JAZF1: variants seen among roughly 807,000 people sequenced by gnomAD.
JAZF1 encodes juxtaposed with another zinc finger protein 1.
Under a neutral mutation model 26.4 loss-of-function variants are expected in JAZF1, and 8 were observed. The ratio of observed to expected loss-of-function variants is 0.30; its 90% CI spans 0.18 to 0.55. The LOEUF is 0.55. Ranked by LOEUF, JAZF1 falls within the 20% of genes least tolerant of loss-of-function variation. JAZF1 has a pLI of 0.94. For missense variants in JAZF1, 199 were observed against 322.0 expected (o/e 0.62, Z 2.92); for synonymous variants, 126 against 122.3 (o/e 1.03, Z -0.20).
At chr7:28,173,878 T>C (rs1011094118) in intron 1 of JAZF1, among the ~76,000 whole-genome samples, 23 of 117,578 alleles carry the variant, frequency 2.0e-4, no homozygotes, top group African/African-American at 8.3e-4. Flanking sequence ...TGCAGCTAGC[T>C]TTAAAAAAAA....
At chr7:28,058,495 T>G (rs976574401) in intron 1 of JAZF1, among the ~76,000 whole-genome samples, 1 of 152,156 alleles carries the variant, frequency 6.6e-6, no homozygotes, top group Non-Finnish European at 1.5e-5. Flanking sequence ...CAAGTTCATC[T>G]TTTGGCCTTC....
chr7:28,007,517 C>A (rs946928130), intron 1 of JAZF1, among the ~76,000 whole-genome samples: 1 of 151,562 alleles, frequency 6.6e-6, no homozygotes, highest in Non-Finnish European at 1.5e-5. Context: ...TGCAGTGAGC[C>A]GAGATCATGC....
At chr7:27,926,928 C>T (rs563074994) in intron 2 of JAZF1, among the ~76,000 whole-genome samples, 2 of 152,270 alleles carry the variant, frequency 1.3e-5, no homozygotes, top group African/African-American at 4.8e-5. Flanking sequence ...CAGCCTGGCC[C>T]TCTTCTTTAG....
At chr7:27,835,937 A>T (rs1782802098) in intron 4 of JAZF1, among the ~76,000 whole-genome samples, 1 of 152,246 alleles carries the variant, frequency 6.6e-6, no homozygotes, top group African/African-American at 2.4e-5. Context: ...GCTAACATTT[A>T]TTAAGAGCTT....
chr7:27,887,239 TA>T (rs144309616), intron 3 of JAZF1, among the ~76,000 whole-genome samples: 8,745 of 152,236 alleles, frequency 0.057, 364 homozygotes, highest in Middle Eastern at 0.085. Flanking sequence ...CAAGTTTACC[TA>T]TATAAGAAAC....
At chr7:28,144,441 G>A (rs1477785227) in intron 1 of JAZF1, among the ~76,000 whole-genome samples, 1 of 152,134 alleles carries the variant, frequency 6.6e-6, no homozygotes, top group Non-Finnish European at 1.5e-5. Flanking sequence ...AATTTCCAAG[G>A]TCCTGAGAGG....
At chr7:27,834,310 G>T (rs1288062118) in intron 4 of JAZF1, among the ~76,000 whole-genome samples, 2 of 152,160 alleles carry the variant, frequency 1.3e-5, no homozygotes, top group Non-Finnish European at 2.9e-5. Context: ...TAAACGTGGT[G>T]GTGATTACTA....
intron 2 of JAZF1, among the ~76,000 whole-genome samples, chr7:27,987,514 C>T (rs946248861): frequency 5.9e-5 from 9 of 152,154 alleles, no homozygotes; most frequent in South Asian, 2.1e-4. Flanking sequence ...CCACCCAGTA[C>T]GGGAGGTCGG....
intron 1 of JAZF1, among the ~76,000 whole-genome samples, chr7:28,008,803 T>C (rs892457365): frequency 2.0e-5 from 3 of 152,226 alleles, no homozygotes; most frequent in Admixed American, 6.5e-5. Context: ...GACTTTTCAG[T>C]AGAGATAGAA....
At chr7:28,136,598 T>C (rs953061433) in intron 1 of JAZF1, among the ~76,000 whole-genome samples, 1 of 152,242 alleles carries the variant, frequency 6.6e-6, no homozygotes, top group African/African-American at 2.4e-5. Context: ...CTCAAATCCA[T>C]CTATTTTTTA....
At chr7:28,115,239 G>C (rs1052736240) in intron 1 of JAZF1, among the ~76,000 whole-genome samples, 1 of 152,144 alleles carries the variant, frequency 6.6e-6, no homozygotes, top group African/African-American at 2.4e-5. Context: ...CCACATTTAA[G>C]GTAAGAAAAG....
chr7:27,850,851 G>T (rs1042378925), intron 3 of JAZF1, among the ~76,000 whole-genome samples: 1 of 148,222 alleles, frequency 6.7e-6, no homozygotes. Flanking sequence ...ATTTGTACTT[G>T]GTTTAATGAT....
intron 3 of JAZF1, among the ~76,000 whole-genome samples, chr7:27,870,054 G>A (rs1022538344): frequency 2.7e-5 from 4 of 150,444 alleles, no homozygotes; most frequent in African/African-American, 4.9e-5. Flanking sequence ...TATTACAGGC[G>A]CACACTGCCA....
chr7:27,845,902 C>G (rs1028620802), intron 3 of JAZF1, among the ~76,000 whole-genome samples: 1 of 151,964 alleles, frequency 6.6e-6, no homozygotes, highest in Non-Finnish European at 1.5e-5. Flanking sequence ...CTCTCCTCTA[C>G]CCCACCCTTT....
chr7:28,031,383 A>C (rs1048241859), intron 1 of JAZF1, among the ~76,000 whole-genome samples: 1 of 152,110 alleles, frequency 6.6e-6, no homozygotes, highest in African/African-American at 2.4e-5. Flanking sequence ...ACAGATGTTG[A>C]GTGGACGATG....
At chr7:28,174,031 C>T (rs1783512809) in intron 1 of JAZF1, among the ~76,000 whole-genome samples, 1 of 151,870 alleles carries the variant, frequency 6.6e-6, no homozygotes, top group Non-Finnish European at 1.5e-5. Flanking sequence ...AAATTTCTGA[C>T]ATCTATGGTT....
At chr7:27,974,839 G>A (rs1210491351) in intron 2 of JAZF1, among the ~76,000 whole-genome samples, 30 of 151,808 alleles carry the variant, frequency 2.0e-4, no homozygotes, top group Non-Finnish European at 1.5e-5. Context: ...TGCAGGCTGT[G>A]TAAGTATGGT....
intron 1 of JAZF1, among the ~76,000 whole-genome samples, chr7:27,997,861 A>C (rs1228561323): frequency 6.6e-6 from 1 of 152,082 alleles, no homozygotes; most frequent in Non-Finnish European, 1.5e-5. Context: ...GTTGTGAGCC[A>C]ATGAGCTCAG....
intron 3 of JAZF1, among the ~76,000 whole-genome samples, chr7:27,857,492 G>A (rs372815246): frequency 8.5e-5 from 13 of 152,232 alleles, no homozygotes; most frequent in Non-Finnish European, 1.8e-4. Flanking sequence ...ACTCAAGCGC[G>A]GCCAGAGTGG....
Sources: gnomAD v4.1 joint callset for allele counts (sites outside exome capture counted in the v4.1 genomes callset) on GRCh38, gnomAD v4.1.1 for gene constraint, MANE v1.5 for transcripts, NCBI Gene and HGNC (gene_info 2026-07-23, HGNC 2026-07-21) for gene names.